PTCHD1: variants seen among roughly 807,000 people sequenced by gnomAD.
The protein encoded by PTCHD1 is patched domain containing 1, also known as patched domain-containing protein 1.
In PTCHD1, 3 loss-of-function variants were observed where a neutral mutation model predicts 34.6. The observed-to-expected ratio is 0.09, with a 90% confidence interval of 0.04 to 0.22. PTCHD1 has a LOEUF of 0.22. PTCHD1 is among the 10% of genes least tolerant of loss of function. PTCHD1 has a pLI of 1.00. For synonymous variants in PTCHD1, 305 were observed against 283.1 expected (o/e 1.08, Z -0.77); for missense variants, 504 against 685.5 (o/e 0.74, Z 2.96).
chrX:23,393,922 T>A lies in PTCHD1; in HGVS notation c.2404T>A (p.Tyr802Asn). 8.3e-7 allele frequency: 1 copy of A among 1,211,263 alleles called. No individual in the cohort carries two copies. Among genetic ancestry groups the A allele is most frequent in the Non-Finnish European group, 1.1e-6 (1 of 895,171 alleles). ...EVHGVAILQSYLCYIVGLIPL... is the reference protein window; with the variant it reads ...EVHGVAILQSNLCYIVGLIPL... Reference sequence around the variant, plus strand: ...GCATGGGGTAGCTATTTTACAGAGTTACCTCTGCTATATTGTTGGTCTGAT... The same window carrying A: ...GCATGGGGTAGCTATTTTACAGAGTAACCTCTGCTATATTGTTGGTCTGAT... Residue 802 changes from tyrosine to asparagine, a missense_variant, in exon 3 of 3, where the codon TAC (tyrosine) becomes AAC (asparagine). By Grantham distance (143) the Tyr-to-Asn change is moderately radical. Coordinates refer to ENST00000379361, the MANE Select transcript of PTCHD1 (RefSeq NM_173495.3).
chrX:23,360,908 C>A (rs1921962493), intron 1 of PTCHD1, among the ~76,000 whole-genome samples: 1 of 111,737 alleles, frequency 8.9e-6, no homozygotes, highest in Non-Finnish European at 1.9e-5. Context: ...CGTTATTTAC[C>A]CAGTAGTCGT....
In PTCHD1 at chrX:23,404,367, T is replaced by G. The variant is rs1202776121; in HGVS notation, c.*10182T>G. On this transcript the variant is annotated 3_prime_UTR_variant, in exon 3 of 3. Coordinates refer to ENST00000379361, the MANE Select transcript of PTCHD1 (RefSeq NM_173495.3). ...TTGTGGAATGATTAAATCAAGCTAA[T>G]TAACATATCTATCATCTCACATATT... 5 of 111,778 alleles carry G rather than the reference T, an allele frequency of 4.5e-5. No individual in the cohort carries two copies. In the Admixed American group the frequency reaches 4.8e-4, roughly 11 times the overall value. The allele number at this position is 111,778 out of a possible 1,213,427, so 9.2% of individuals were successfully genotyped here.
intron 1 of PTCHD1, among the ~76,000 whole-genome samples, chrX:23,365,009 G>A (rs187913544): frequency 4.5e-5 from 5 of 111,932 alleles, no homozygotes; most frequent in Admixed American, 1.9e-4. Flanking sequence ...GAAGAGTTAC[G>A]GTACATTCTC....
At chrX:23,367,076 A>G (rs1922164958) in intron 1 of PTCHD1, among the ~76,000 whole-genome samples, 1 of 111,670 alleles carries the variant, frequency 9.0e-6, no homozygotes, top group African/African-American at 3.3e-5. Flanking sequence ...CGCTTGCGCT[A>G]ATCAATTCTG....
chrX:23,340,972 G>A (rs994781533), intron 1 of PTCHD1, among the ~76,000 whole-genome samples: 6 of 112,348 alleles, frequency 5.3e-5, no homozygotes, highest in African/African-American at 1.6e-4. Flanking sequence ...CTTTCATTTC[G>A]TAGGTAGTGT....
chrX:23,368,318 A>G (rs1487515816), intron 1 of PTCHD1, among the ~76,000 whole-genome samples: 1 of 111,785 alleles, frequency 8.9e-6, no homozygotes, highest in Non-Finnish European at 1.9e-5. Flanking sequence ...GAGATCAGCC[A>G]TTTGTCTGCA....
intron 2 of PTCHD1, among the ~76,000 whole-genome samples, chrX:23,387,739 CTT>C (rs1270224465): frequency 9.0e-6 from 1 of 111,493 alleles, no homozygotes; most frequent in East Asian, 2.8e-4. Flanking sequence ...CTCTCTCTCT[CTT>C]TCTCTTTATG....
At chrX:23,357,421 CTT>C (rs780279989) in intron 1 of PTCHD1, among the ~76,000 whole-genome samples, 7 of 111,407 alleles carry the variant, frequency 6.3e-5, no homozygotes, top group Non-Finnish European at 1.3e-4. Flanking sequence ...AACTGGAACT[CTT>C]ATACATTGCT....
chrX:23,334,931 A>G lies in PTCHD1; in HGVS notation c.56A>G (p.His19Arg), dbSNP rs762796762. 9.2e-6 allele frequency: 11 copies of G among 1,201,764 alleles called. No individual in the cohort carries two copies. The East Asian group carries it at 3.0e-4, about 33-fold the overall frequency. ...AGGACGTGTTTCTCCCGGCTCGGCC[A>G]CTTCATTGCCAGTCACCCTGTCTTC... ...GLRTCFSRLG[H>R]FIASHPVFFA... is the part of the protein sequence containing the mutation. The change falls in exon 1 of 3, where the codon CAC becomes CGC. Residue 19 changes from histidine (H) to arginine (R), a missense_variant. Physicochemically the swap from His to Arg is conservative, Grantham distance 29. Coordinates refer to ENST00000379361, the MANE Select transcript of PTCHD1 (RefSeq NM_173495.3).
At chrX:23,342,267 T>C (rs1196769241) in intron 1 of PTCHD1, among the ~76,000 whole-genome samples, 3 of 7,947 alleles carry the variant, frequency 3.8e-4, no homozygotes, top group African/African-American at 7.4e-4. Context: ...TGTTTCTCCC[T>C]ATATATATAT....
intron 1 of PTCHD1, among the ~76,000 whole-genome samples, chrX:23,341,944 A>C (rs1190195058): frequency 2.7e-5 from 3 of 111,330 alleles, no homozygotes; most frequent in Non-Finnish European, 5.7e-5. Context: ...CATAGGCTTC[A>C]AGTACAGTTA....
At chrX:23,379,170 A>G (rs193190230) in intron 1 of PTCHD1, among the ~76,000 whole-genome samples, 69 of 112,619 alleles carry the variant, frequency 6.1e-4, no homozygotes, top group African/African-American at 2.2e-3. Context: ...CAGGGGACCT[A>G]TATAAGACTT....
At chrX:23,386,347 A>G (rs148481161) in intron 2 of PTCHD1, among the ~76,000 whole-genome samples, 2,066 of 112,029 alleles carry the variant, frequency 0.018, 53 homozygotes, top group African/African-American at 0.063. Flanking sequence ...TAGAATTTTC[A>G]AAATGTGACA....
At position 23,392,471 on chromosome X, in the gene PTCHD1, T is replaced by C. The variant is rs778012009; in HGVS notation, c.1013-60T>C. The C allele has an allele frequency of 1.9e-5, 15 of 792,989 alleles. No homozygotes were observed. The South Asian group carries it at 2.9e-4, about 15-fold the overall frequency. 65.4% of individuals were successfully genotyped at this position (792,989 alleles called of 1,213,427 possible). On this transcript the variant is annotated intron_variant, in intron 2 of 2. Coordinates refer to ENST00000379361, the MANE Select transcript of PTCHD1 (RefSeq NM_173495.3). ...CAGTAGTCCCTCATAATCAAGTTGA[T>C]TTCCCTCTTAAGAGATTAGTTCTTT... is the stretch of plus-strand genomic sequence containing the variant.
intron 1 of PTCHD1, among the ~76,000 whole-genome samples, chrX:23,362,651 G>A (rs191470991): frequency 2.5e-4 from 28 of 112,009 alleles, no homozygotes; most frequent in African/African-American, 8.1e-4. Context: ...GTTGTTCTCC[G>A]TCCAGCTTTG....
chrX:23,382,150 C>A (rs1922582246), intron 2 of PTCHD1, among the ~76,000 whole-genome samples: 1 of 111,728 alleles, frequency 9.0e-6, no homozygotes, highest in Admixed American at 9.5e-5. Flanking sequence ...AAAGGACAAT[C>A]AGTGCTGATT....
chrX:23,362,586 C>T (rs1411451504), intron 1 of PTCHD1, among the ~76,000 whole-genome samples: 3 of 111,940 alleles, frequency 2.7e-5, no homozygotes, highest in East Asian at 2.8e-4. Context: ...TCCTTTAGCT[C>T]GGAGAAGTTT....
At chrX:23,354,450 GAGAA>G (rs201645717) in intron 1 of PTCHD1, among the ~76,000 whole-genome samples, 1 of 100,907 alleles carries the variant, frequency 9.9e-6, no homozygotes. Context: ...GAGAGAGAGA[GAGAA>G]ACACACAACT....
intron 1 of PTCHD1, among the ~76,000 whole-genome samples, chrX:23,348,659 TG>T (rs1295771810): frequency 1.8e-5 from 2 of 110,133 alleles, no homozygotes; most frequent in Non-Finnish European, 3.8e-5. Flanking sequence ...AGGGTTAAAA[TG>T]AAAAAAAAAT....
Sources: allele counts gnomAD v4.1 joint callset (sites outside exome capture counted in the v4.1 genomes callset), GRCh38; gene constraint gnomAD v4.1.1; transcripts MANE v1.5; gene names NCBI Gene and HGNC (gene_info 2026-07-23, HGNC 2026-07-21).